The following ARB2A variants were observed in gnomAD, a reference collection of about 807,000 sequenced individuals.
ARB2A encodes cotranscriptional regulator ARB2A.
the ARB2A span, among the ~76,000 whole-genome samples, chr5:93,819,185 C>CAAAAA: frequency 2.1e-5 from 2 of 93,144 alleles, no homozygotes; most frequent in Non-Finnish European, 3.9e-5. Flanking sequence ...AACTCCGTCT[C>CAAAAA]AAAAAAAAAA....
chr5:93,741,473 T>C, the ARB2A span: 2 of 1,613,286 alleles, frequency 1.2e-6, no homozygotes, highest in Non-Finnish European at 1.7e-6. Flanking sequence ...CAGGTCAGAG[T>C]GTCAACCCGC....
At chr5:93,994,355 C>T in the ARB2A span, among the ~76,000 whole-genome samples, 5 of 152,226 alleles carry the variant, frequency 3.3e-5, no homozygotes, top group African/African-American at 1.2e-4. Context: ...GAAATCCTGC[C>T]ATATTTGAAG....
chr5:93,992,763 A>C, the ARB2A span, among the ~76,000 whole-genome samples: 2 of 152,104 alleles, frequency 1.3e-5, no homozygotes, highest in Non-Finnish European at 2.9e-5. Context: ...GACAAATCTA[A>C]ATGATAGTTT....
At chr5:93,841,911 GAA>G in the ARB2A span, among the ~76,000 whole-genome samples, 1 of 152,290 alleles carries the variant, frequency 6.6e-6, no homozygotes, top group South Asian at 2.1e-4. Flanking sequence ...TCTGTTTTCT[GAA>G]AGTTCAATGT....
the ARB2A span, among the ~76,000 whole-genome samples, chr5:93,751,080 C>T: frequency 6.6e-6 from 1 of 152,028 alleles, no homozygotes; most frequent in Non-Finnish European, 1.5e-5. Flanking sequence ...CTTAGGGTCT[C>T]CTTAAAAAGT....
the ARB2A span, among the ~76,000 whole-genome samples, chr5:93,775,274 C>T: frequency 6.6e-6 from 1 of 152,138 alleles, no homozygotes; most frequent in African/African-American, 2.4e-5. Context: ...ATATTTTCAA[C>T]TTTAAGTACT....
the ARB2A span, among the ~76,000 whole-genome samples, chr5:93,951,823 A>G: frequency 6.6e-6 from 1 of 152,226 alleles, no homozygotes; most frequent in South Asian, 2.1e-4. Flanking sequence ...TACCCCATAA[A>G]TATATACACG....
the ARB2A span, among the ~76,000 whole-genome samples, chr5:94,044,493 G>A: frequency 6.6e-6 from 1 of 152,016 alleles, no homozygotes; most frequent in East Asian, 1.9e-4. Flanking sequence ...CCCCTATTCA[G>A]CCTGAAGAAG....
the ARB2A span, among the ~76,000 whole-genome samples, chr5:94,066,240 A>T: frequency 6.6e-6 from 1 of 152,122 alleles, no homozygotes; most frequent in Non-Finnish European, 1.5e-5. Flanking sequence ...ACATCAAAAA[A>T]GTAGAAAGAT....
At chr5:93,669,322 C>T in the ARB2A span, among the ~76,000 whole-genome samples, 1 of 152,108 alleles carries the variant, frequency 6.6e-6, no homozygotes, top group African/African-American at 2.4e-5. Flanking sequence ...ACAAATGTAA[C>T]ACTTAAATGG....
the ARB2A span, among the ~76,000 whole-genome samples, chr5:93,930,592 GAAGAA>G: frequency 6.6e-6 from 1 of 152,160 alleles, no homozygotes; most frequent in Non-Finnish European, 1.5e-5. Context: ...CTTTCAGATA[GAAGAA>G]AAGACAAGAG....
At chr5:93,675,133 T>A in the ARB2A span, among the ~76,000 whole-genome samples, 3 of 152,212 alleles carry the variant, frequency 2.0e-5, no homozygotes, top group African/African-American at 7.2e-5. Flanking sequence ...AGAAGTCATA[T>A]GCCCCACCCT....
At chr5:94,039,557 A>G in the ARB2A span, among the ~76,000 whole-genome samples, 1 of 152,164 alleles carries the variant, frequency 6.6e-6, no homozygotes, top group Non-Finnish European at 1.5e-5. Flanking sequence ...TCAAGAAATA[A>G]CCATAAAAAT....
chr5:93,764,033 G>C, the ARB2A span, among the ~76,000 whole-genome samples: 1 of 152,072 alleles, frequency 6.6e-6, no homozygotes, highest in Non-Finnish European at 1.5e-5. Flanking sequence ...AGAATCTCTC[G>C]GACACATTCA....
chr5:93,778,254 T>C, the ARB2A span, among the ~76,000 whole-genome samples: 1 of 152,184 alleles, frequency 6.6e-6, no homozygotes, highest in Non-Finnish European at 1.5e-5. Flanking sequence ...TTAGAAGATA[T>C]TTCATACATT....
the ARB2A span, among the ~76,000 whole-genome samples, chr5:93,721,421 C>T: frequency 1.3e-5 from 2 of 152,154 alleles, no homozygotes; most frequent in Non-Finnish European, 1.5e-5. Context: ...TCTGTGTGAA[C>T]TTTAAGTGTA....
the ARB2A span, among the ~76,000 whole-genome samples, chr5:93,837,105 G>A: frequency 1.3e-4 from 20 of 152,222 alleles, no homozygotes; most frequent in Admixed American, 2.0e-4. Context: ...TACCCAATAG[G>A]TATGTTTAAA....
the ARB2A span, among the ~76,000 whole-genome samples, chr5:93,850,775 G>A: frequency 5.3e-5 from 8 of 151,966 alleles, no homozygotes; most frequent in Admixed American, 2.6e-4. Context: ...TTTAACATTT[G>A]GAGTCAATAT....
At chr5:93,776,309 GTTTAA>G in the ARB2A span, 1 of 1,287,324 alleles carries the variant, frequency 7.8e-7, no homozygotes, top group Non-Finnish European at 1.1e-6. Context: ...TTTAGGGAGA[GTTTAA>G]TTTATCCTAT....
Sources: allele counts gnomAD v4.1 joint callset (sites outside exome capture counted in the v4.1 genomes callset), GRCh38; gene constraint gnomAD v4.1.1; transcripts MANE v1.5; gene names NCBI Gene and HGNC (gene_info 2026-07-23, HGNC 2026-07-21).